ZNF573: variants seen among roughly 807,000 people sequenced by gnomAD.
ZNF573 encodes the protein zinc finger protein 573.
A neutral mutation model predicts 57.4 loss-of-function variants in ZNF573; 41 were observed. That is an observed-to-expected ratio of 0.71 (90% CI 0.56 to 0.93). The LOEUF (loss-of-function observed/expected upper bound fraction) is 0.93, where lower values mean the gene tolerates loss of function less well. ZNF573 is among the 40% of genes least tolerant of loss of function. ZNF573 has a pLI of 0.00. For missense variants in ZNF573, 730 were observed against 794.8 expected, an observed-to-expected ratio of 0.92 and a Z score of 0.98; for synonymous variants, 249 against 261.0, an observed-to-expected ratio of 0.95 and a Z score of 0.44.
At chr19:37,742,058 A>G (rs765744892) in intron 4 of ZNF573, among the ~76,000 whole-genome samples, 2 of 152,132 alleles carry the variant, frequency 1.3e-5, no homozygotes, top group Non-Finnish European at 2.9e-5. Context: ...CAAATCATGA[A>G]TGAACTCCCA....
chr19:37,761,609 C>G (rs1299634689), intron 4 of ZNF573, among the ~76,000 whole-genome samples: 1 of 152,118 alleles, frequency 6.6e-6, no homozygotes, highest in Non-Finnish European at 1.5e-5. Context: ...CATAAGACCC[C>G]CATTCCAGAG....
chr19:37,765,059 C>T (rs2035857920), intron 4 of ZNF573, among the ~76,000 whole-genome samples: 1 of 152,040 alleles, frequency 6.6e-6, no homozygotes, highest in African/African-American at 2.4e-5. Flanking sequence ...GTAGCCGCCA[C>T]AATGCCTGGC....
Position 37,769,985 on chromosome 19 carries a change from G to A in ZNF573, c.295+20C>T. On this transcript the variant is annotated intron_variant, in intron 4 of 4. Transcript: ENST00000536220. ...ACATGGGCTGTGGCCGGCCCTGATG[G>A]TGTCCCCTGCCTTCCTTACCTGTGA... The A allele has an allele frequency of 6.5e-7, 1 of 1,544,034 alleles. No individual in the cohort carries two copies. The highest frequency in any genetic ancestry group is 8.8e-7 in the Non-Finnish European group (1 of 1,140,450).
intron 4 of ZNF573, among the ~76,000 whole-genome samples, chr19:37,751,077 CTG>C (rs1369902324): frequency 5.4e-5 from 8 of 147,518 alleles, no homozygotes; most frequent in African/African-American, 2.0e-4. Context: ...GGTATATATA[CTG>C]TGTATATATA....
intron 4 of ZNF573, among the ~76,000 whole-genome samples, chr19:37,743,451 A>G (rs981434290): frequency 4.6e-5 from 7 of 152,174 alleles, no homozygotes; most frequent in Non-Finnish European, 1.0e-4. Flanking sequence ...ACCATCTCAC[A>G]CCAGTTAGAA....
chr19:37,757,297 A>G (rs1371159078), intron 4 of ZNF573, among the ~76,000 whole-genome samples: 1 of 152,108 alleles, frequency 6.6e-6, no homozygotes, highest in African/African-American at 2.4e-5. Context: ...CCTGGGTTCA[A>G]GCAATTCTCC....
intron 1 of ZNF573, among the ~76,000 whole-genome samples, chr19:37,775,484 C>G (rs1174956857): frequency 6.6e-6 from 1 of 152,152 alleles, no homozygotes; most frequent in African/African-American, 2.4e-5. Flanking sequence ...TCACCTGAAT[C>G]TCTCTAGTGG....
At chr19:37,752,273 C>A (rs1268205287) in intron 4 of ZNF573, among the ~76,000 whole-genome samples, 2 of 152,018 alleles carry the variant, frequency 1.3e-5, no homozygotes, top group East Asian at 1.9e-4. Flanking sequence ...GGATCAAAGA[C>A]CTAAATGTAA....
In ZNF573 at chr19:37,738,409, A is replaced by G; in HGVS notation, c.*83T>C. 1 of 1,404,276 alleles carries G rather than the reference A, an allele frequency of 7.1e-7. No individual in the cohort carries two copies. Among genetic ancestry groups the G allele is most frequent in the Non-Finnish European group, 9.4e-7 (1 of 1,069,238 alleles). The allele number at this position is 1,404,276 out of a possible 1,614,324, so 87.0% of individuals were successfully genotyped here. On this transcript the variant is annotated 3_prime_UTR_variant, in exon 5 of 5. Transcript: ENST00000536220. ...TTGAACTCTCTCAATTGCTAAAGCC[A>G]TACCTATAAGACTAACATTCCATCA...
chr19:37,744,807 C>T (rs1466749447), intron 4 of ZNF573, among the ~76,000 whole-genome samples: 1 of 149,462 alleles, frequency 6.7e-6, no homozygotes, highest in Non-Finnish European at 1.5e-5. Context: ...TTTGAGATGG[C>T]ATCTCGCTCT....
intron 4 of ZNF573, among the ~76,000 whole-genome samples, chr19:37,769,460 G>C (rs1166965828): frequency 6.7e-6 from 1 of 148,168 alleles, no homozygotes; most frequent in East Asian, 2.1e-4. Context: ...GGGTGTAGTG[G>C]CTCACAACTG....
intron 4 of ZNF573, among the ~76,000 whole-genome samples, chr19:37,741,148 A>C (rs1379396105): frequency 6.6e-6 from 1 of 152,190 alleles, no homozygotes; most frequent in East Asian, 1.9e-4. Flanking sequence ...TGTAGGCTGA[A>C]TCCTTCTCAT....
chr19:37,757,554 T>C (rs375779127), intron 4 of ZNF573, among the ~76,000 whole-genome samples: 1 of 152,172 alleles, frequency 6.6e-6, no homozygotes, highest in South Asian at 2.1e-4. Flanking sequence ...CGCTCTGTTT[T>C]GCAAAACCTG....
chr19:37,763,111 G>C (rs1158722102), intron 4 of ZNF573, among the ~76,000 whole-genome samples: 1 of 151,990 alleles, frequency 6.6e-6, no homozygotes, highest in East Asian at 1.9e-4. Flanking sequence ...CCACACTCCT[G>C]CCGTGTGGAT....
intron 3 of ZNF573, chr19:37,770,420 C>A: frequency 4.6e-6 from 1 of 215,420 alleles, no homozygotes; most frequent in Non-Finnish European, 9.1e-6. Flanking sequence ...GTGACTTTGG[C>A]CATGTGACTT....
rs1216756427 is a variant in ZNF573, at chr19:37,739,226, C to T, written c.1264G>A (p.Ala422Thr). The T allele has an allele frequency of 6.2e-7, 1 of 1,613,426 alleles. No individual in the cohort carries two copies. The highest frequency in any genetic ancestry group is 1.7e-5 in the Admixed American group (1 of 59,930). ...TTAAGGTAGCCATACAAGCTAAAGG[C>T]CTTTCCGCATTCCTTGCATTCATAG... ...KPYECKECGKAFSLYGYLKQH... is the reference protein window; with the variant it reads ...KPYECKECGKTFSLYGYLKQH... The change falls in exon 5 of 5, where the codon GCC becomes ACC. Residue 422 changes from alanine to threonine, a missense_variant. Ala to Thr is a moderately conservative substitution (Grantham distance 58). Coordinates refer to ENST00000536220, the MANE Select transcript of ZNF573 (RefSeq NM_001172690.2).
intron 4 of ZNF573, chr19:37,755,320 T>C (rs957336728): frequency 2.6e-5 from 4 of 152,228 alleles, no homozygotes; most frequent in African/African-American, 7.2e-5. Flanking sequence ...AATGCTTATC[T>C]CTGATAATAA....
chr19:37,739,571 A>G lies in ZNF573; in HGVS notation c.919T>C (p.Cys307Arg). Residue 307 changes from cysteine (C) to arginine (R), a missense_variant, in exon 5 of 5, where the codon TGT (cysteine) becomes CGT (arginine). Transcript: ENST00000536220. ...TDEKPYICEK[C>R]GKAFRRGHQL... ...TGACCTCTTCTAAAGGCCTTTCCAC[A>G]TTTCTCACATATGTATGGCTTCTCA... 6.2e-7 allele frequency: 1 copy of G among 1,613,468 alleles called. No homozygotes were observed. Among genetic ancestry groups the G allele is most frequent in the Non-Finnish European group, 8.5e-7 (1 of 1,179,890 alleles).
chr19:37,769,817 T>C (rs1426235197), intron 4 of ZNF573, among the ~76,000 whole-genome samples, 188 bp downstream of exon 4: 2 of 149,490 alleles, frequency 1.3e-5, no homozygotes, highest in Non-Finnish European at 3.0e-5. Flanking sequence ...AGGTGATTGG[T>C]AAATGGGGTA....
Sources: gnomAD v4.1 joint callset for allele counts (sites outside exome capture counted in the v4.1 genomes callset) on GRCh38, gnomAD v4.1.1 for gene constraint, MANE v1.5 for transcripts, NCBI Gene and HGNC (gene_info 2026-07-23, HGNC 2026-07-21) for gene names.